Variants in CDK6 observed in about 807,000 individuals in gnomAD.
CDK6 encodes the protein cyclin-dependent kinase 6.
In CDK6, 6 loss-of-function variants were observed where a neutral mutation model predicts 37.1. The observed-to-expected ratio is 0.16, with a 90% CI of 0.09 to 0.32. The LOEUF is 0.32. CDK6 is among the 10% of genes least tolerant of loss of function. The pLI, the probability that CDK6 is intolerant of heterozygous loss-of-function variation, is 1.00. For missense variants in CDK6, 224 were observed against 418.9 expected, an observed-to-expected ratio of 0.53 and a Z score of 4.06; for synonymous variants, 160 against 161.3, an observed-to-expected ratio of 0.99 and a Z score of 0.06.
intron 4 of CDK6, among the ~76,000 whole-genome samples, chr7:92,681,840 C>T (rs543509770): frequency 6.6e-6 from 1 of 152,178 alleles, no homozygotes; most frequent in Non-Finnish European, 1.5e-5. Flanking sequence ...TCCCCACCCC[C>T]GCTCCAATCC....
chr7:92,711,552 A>ATTTT lies in CDK6; in HGVS notation c.537+14070_537+14073dup, dbSNP rs11285626. On this transcript the variant is annotated intron_variant, in intron 4 of 7. Coordinates refer to ENST00000424848, the MANE Select transcript of CDK6 (RefSeq NM_001145306.2). ...TTTTTTACCTACCTGGAATGGTCAA[A>ATTTT]TTTTTTTTTTTTTTTTTTTTTTTTT... Among the ~76,000 whole-genome samples, 85 of 56,622 alleles carry ATTTT rather than the reference A, an allele frequency of 1.5e-3. 6 individuals carry two copies. Among genetic ancestry groups the ATTTT allele is most frequent in the East Asian group, 6.1e-3 (8 of 1,308 alleles). 37.1% of individuals were successfully genotyped at this position (56,622 alleles called of 152,430 possible).
intron 2 of CDK6, among the ~76,000 whole-genome samples, chr7:92,785,999 G>GA (rs1800122123): frequency 6.6e-6 from 1 of 152,190 alleles, no homozygotes; most frequent in South Asian, 2.1e-4. Context: ...GACAGAGCTT[G>GA]AAAAAGAGAT....
chr7:92,676,893 A>C (rs1354866721), intron 4 of CDK6, among the ~76,000 whole-genome samples: 1 of 150,862 alleles, frequency 6.6e-6, no homozygotes, highest in Non-Finnish European at 1.5e-5. Flanking sequence ...CGGGAGGCGG[A>C]GCTTGCAGTG....
intron 5 of CDK6, among the ~76,000 whole-genome samples, chr7:92,668,683 G>A (rs1261047792): frequency 6.6e-6 from 1 of 152,204 alleles, no homozygotes; most frequent in Non-Finnish European, 1.5e-5. Context: ...GGCTTGTGAA[G>A]TCTCAACTGG....
In CDK6 at chr7:92,609,844, C is replaced by A. The variant is rs936009075; in HGVS notation, c.*5296G>T. The A allele has an allele frequency of 8.7e-6, 2 of 230,266 alleles. No homozygotes were observed. The highest frequency in any genetic ancestry group is 1.7e-5 in the Non-Finnish European group (2 of 116,328). The allele number at this position is 230,266 out of a possible 1,614,324, so 14.3% of individuals were successfully genotyped here. A position where few individuals can be genotyped will look rare whatever the true frequency, so the allele number is the denominator to read the frequency against. On this transcript the variant is annotated 3_prime_UTR_variant, in exon 8 of 8. Coordinates refer to ENST00000424848, the MANE Select transcript of CDK6 (RefSeq NM_001145306.2). ...TTGACTGAATGAATGACTAGGCTTT[C>A]TTTACTTAAATGATCAAAATGGGTG...
At chr7:92,755,348 T>C (rs1799289904) in intron 3 of CDK6, among the ~76,000 whole-genome samples, 2 of 151,896 alleles carry the variant, frequency 1.3e-5, no homozygotes, top group Non-Finnish European at 2.9e-5. Flanking sequence ...TTAACGGTCA[T>C]TTCCTCTCTG....
At chr7:92,707,883 T>C (rs1389506286) in intron 4 of CDK6, among the ~76,000 whole-genome samples, 1 of 152,192 alleles carries the variant, frequency 6.6e-6, no homozygotes, top group East Asian at 1.9e-4. Flanking sequence ...GTGTATGATA[T>C]TATGGGCAGC....
chr7:92,747,170 T>C (rs1799080667), intron 3 of CDK6, among the ~76,000 whole-genome samples: 1 of 152,186 alleles, frequency 6.6e-6, no homozygotes, highest in South Asian at 2.1e-4. Context: ...AACTTACCTA[T>C]TTCTGCTTTT....
At chr7:92,698,358 C>T (rs925137664) in intron 4 of CDK6, among the ~76,000 whole-genome samples, 5 of 152,210 alleles carry the variant, frequency 3.3e-5, no homozygotes, top group African/African-American at 1.2e-4. Flanking sequence ...ACAAAGCAAG[C>T]TCAGTTTGGC....
At chr7:92,731,704 T>C (rs183569720) in intron 3 of CDK6, among the ~76,000 whole-genome samples, 1 of 151,630 alleles carries the variant, frequency 6.6e-6, no homozygotes, top group East Asian at 1.9e-4. Context: ...TTCCTGGAAG[T>C]GATGATAATG....
At chr7:92,794,922 G>A (rs749020600) in intron 2 of CDK6, among the ~76,000 whole-genome samples, 2 of 152,048 alleles carry the variant, frequency 1.3e-5, no homozygotes, top group African/African-American at 2.4e-5. Context: ...CCCATAAAAC[G>A]ATTCTGAAGA....
At chr7:92,648,494 G>A (rs930990739) in intron 5 of CDK6, among the ~76,000 whole-genome samples, 8 of 152,212 alleles carry the variant, frequency 5.3e-5, no homozygotes, top group Non-Finnish European at 7.3e-5. Flanking sequence ...CAAGTGAAGG[G>A]ATGAATCCCT....
intron 5 of CDK6, among the ~76,000 whole-genome samples, chr7:92,655,720 A>G (rs1370361078): frequency 6.6e-6 from 1 of 152,242 alleles, no homozygotes; most frequent in Non-Finnish European, 1.5e-5. Flanking sequence ...AGCTGGTAGT[A>G]TCCAGTTCAG....
At chr7:92,767,116 T>C (rs1292693333) in intron 3 of CDK6, among the ~76,000 whole-genome samples, 1 of 152,208 alleles carries the variant, frequency 6.6e-6, no homozygotes, top group Non-Finnish European at 1.5e-5. Context: ...TTTACATTAA[T>C]GTAGCTTTTT....
chr7:92,692,497 A>G (rs1797620326), intron 4 of CDK6, among the ~76,000 whole-genome samples: 1 of 151,460 alleles, frequency 6.6e-6, no homozygotes, highest in Non-Finnish European at 1.5e-5. Flanking sequence ...TATGAAAATT[A>G]TCTTGGGCTG....
At chr7:92,623,135 T>C (rs1795842519) in intron 5 of CDK6, 49 bp from the exon 6 acceptor site, 1 of 1,227,222 alleles carries the variant, frequency 8.1e-7, no homozygotes, top group African/African-American at 1.5e-5. Flanking sequence ...TCAGATTACA[T>C]TTCAATCATA....
At position 92,614,976 on chromosome 7, in the gene CDK6, G is replaced by C; in HGVS notation, c.*164C>G. On this transcript the variant is annotated 3_prime_UTR_variant, in exon 8 of 8. Coordinates refer to ENST00000424848, the MANE Select transcript of CDK6 (RefSeq NM_001145306.2). ...TCACTCTTGCATTGATTTCAAAACA[G>C]TAAACTAGGCGGTTTCCTTGGAGAA... 1 of 603,094 alleles carries C rather than the reference G, an allele frequency of 1.7e-6. No individual in the cohort carries two copies. The highest frequency in any genetic ancestry group is 2.9e-6 in the Non-Finnish European group (1 of 345,346). The allele number at this position is 603,094 out of a possible 1,614,324, so 37.4% of individuals were successfully genotyped here. A position where few individuals can be genotyped will look rare whatever the true frequency, so the allele number is the denominator to read the frequency against.
At chr7:92,689,841 A>G (rs372745678) in intron 4 of CDK6, among the ~76,000 whole-genome samples, 1 of 152,110 alleles carries the variant, frequency 6.6e-6, no homozygotes, top group African/African-American at 2.4e-5. Context: ...GTGTGAGATA[A>G]TATCTCTTGT....
chr7:92,719,054 C>T (rs1176046567), intron 4 of CDK6, among the ~76,000 whole-genome samples: 1 of 152,202 alleles, frequency 6.6e-6, no homozygotes. Flanking sequence ...GTTAGTGTTA[C>T]TAAATGCTAT....
Sources: allele counts gnomAD v4.1 joint callset (sites outside exome capture counted in the v4.1 genomes callset), GRCh38; gene constraint gnomAD v4.1.1; transcripts MANE v1.5; gene names NCBI Gene and HGNC (gene_info 2026-07-23, HGNC 2026-07-21).